NBAS: variants seen among roughly 807,000 people sequenced by gnomAD.
NBAS encodes the protein NBAS subunit of NRZ tethering complex, also known as NAG/BC035112 fusion.
Under a neutral mutation model 302.5 loss-of-function variants are expected in NBAS, and 219 were observed. The observed-to-expected ratio is 0.72, with a 90% CI of 0.65 to 0.81. The LOEUF (loss-of-function observed/expected upper bound fraction) is 0.81, where lower values mean the gene tolerates loss of function less well. Among genes scored for constraint, NBAS ranks in the 30% least tolerant of loss-of-function variants. The pLI is 0.00. For missense variants in NBAS, 2,932 were observed against 2,841.6 expected (o/e 1.03, Z -0.72); for synonymous variants, 1,118 against 1,021.6 (o/e 1.09, Z -1.80).
At chr2:15,126,937 C>A in the NBAS span, among the ~76,000 whole-genome samples, 1 of 152,170 alleles carries the variant, frequency 6.6e-6, no homozygotes, top group Non-Finnish European at 1.5e-5. Context: ...GGTCAAACAA[C>A]CAGTAACACA....
the NBAS span, among the ~76,000 whole-genome samples, chr2:14,824,349 T>C: frequency 2.0e-5 from 3 of 152,102 alleles, no homozygotes; most frequent in Non-Finnish European, 4.4e-5. Context: ...AGTACAAATA[T>C]ATAAGTAGAT....
downstream of NBAS, among the ~76,000 whole-genome samples, chr2:15,163,827 C>T (rs950019747): frequency 8.6e-5 from 13 of 150,496 alleles, no homozygotes; most frequent in South Asian, 4.2e-4. Flanking sequence ...ACAAGAGTCT[C>T]GCTCTGTTGC....
At chr2:14,838,619 T>G in the NBAS span, among the ~76,000 whole-genome samples, 1 of 151,994 alleles carries the variant, frequency 6.6e-6, no homozygotes, top group African/African-American at 2.4e-5. Flanking sequence ...ATGCTGTGAT[T>G]TTTTATTGTA....
chr2:14,901,420 C>G, the NBAS span, among the ~76,000 whole-genome samples: 1 of 142,026 alleles, frequency 7.0e-6, no homozygotes, highest in Admixed American at 6.9e-5. Flanking sequence ...AAGGCCAAAC[C>G]AGAAAGACTC....
At chr2:15,133,963 C>T in the NBAS span, among the ~76,000 whole-genome samples, 26 of 152,092 alleles carry the variant, frequency 1.7e-4, no homozygotes, top group East Asian at 7.8e-4. Flanking sequence ...ACAAATCCCT[C>T]GGGGATTGTG....
the NBAS span, among the ~76,000 whole-genome samples, chr2:14,958,367 T>C: frequency 3.3e-5 from 5 of 152,194 alleles, no homozygotes; most frequent in Non-Finnish European, 5.9e-5. Flanking sequence ...ACTTCCCCTT[T>C]GACATTTGAC....
At chr2:15,388,058 C>T (rs1675396909) in intron 28 of NBAS, among the ~76,000 whole-genome samples, 2 of 152,070 alleles carry the variant, frequency 1.3e-5, no homozygotes, top group African/African-American at 4.8e-5. Context: ...TATACATTTG[C>T]TGGAATTTTT....
Position 15,424,238 on chromosome 2 carries a change from G to A in NBAS, c.2577+77C>T, listed in dbSNP as rs766396276. ...TGATTCCTGCACTGCTGTCAGCCCC[G>A]ACTCCGTGTACTGAATCCTAAGGAT... is the stretch of plus-strand genomic sequence containing the variant. On this transcript the variant is annotated intron_variant, in intron 23 of 51. Transcript: ENST00000281513. 103 of 1,533,740 alleles carry A rather than the reference G, an allele frequency of 6.7e-5. 4 individuals carry two copies. The highest frequency in any genetic ancestry group is 6.3e-4 in the South Asian group (56 of 89,072).
chr2:14,808,892 T>C, the NBAS span, among the ~76,000 whole-genome samples: 3 of 152,180 alleles, frequency 2.0e-5, no homozygotes, highest in Non-Finnish European at 2.9e-5. Context: ...TGGTCTCAGA[T>C]GGAGATAAGA....
intron 8 of NBAS, among the ~76,000 whole-genome samples, chr2:15,535,458 CT>C: frequency 6.6e-6 from 1 of 151,638 alleles, no homozygotes; most frequent in African/African-American, 2.4e-5. Context: ...GGAGGCAGAG[CT>C]TGCAGTGAGC....
At chr2:15,240,450 A>AAT (rs1390404184) in intron 44 of NBAS, among the ~76,000 whole-genome samples, 1 of 141,236 alleles carries the variant, frequency 7.1e-6, no homozygotes, top group African/African-American at 2.7e-5. Flanking sequence ...AAAATACAAA[A>AAT]AAAAAAAAAA....
chr2:15,456,870 A>C (rs1456744820), intron 21 of NBAS, among the ~76,000 whole-genome samples: 1 of 143,890 alleles, frequency 6.9e-6, no homozygotes, highest in Non-Finnish European at 1.5e-5. Flanking sequence ...AGAGAAGACA[A>C]ATAACCATGT....
the NBAS span, among the ~76,000 whole-genome samples, chr2:14,936,744 C>G: frequency 6.6e-6 from 1 of 152,114 alleles, no homozygotes; most frequent in African/African-American, 2.4e-5. Context: ...TGGAAAGACA[C>G]AGGAAAACAG....
the NBAS span, among the ~76,000 whole-genome samples, chr2:14,958,415 G>A: frequency 6.6e-6 from 1 of 152,190 alleles, no homozygotes; most frequent in Non-Finnish European, 1.5e-5. Context: ...AATGCTAAGG[G>A]GCACTGGAGC....
At chr2:15,464,248 TC>T (rs1021247331) in intron 19 of NBAS, among the ~76,000 whole-genome samples, 1 of 152,200 alleles carries the variant, frequency 6.6e-6, no homozygotes, top group Non-Finnish European at 1.5e-5. Context: ...TAGGAACTTT[TC>T]CACAACTCTC....
At chr2:15,022,876 T>A in the NBAS span, among the ~76,000 whole-genome samples, 1 of 152,192 alleles carries the variant, frequency 6.6e-6, no homozygotes, top group Admixed American at 6.5e-5. Flanking sequence ...ATTATTTGTA[T>A]ATAAATACAG....
chr2:15,322,600 A>G (rs990208794), intron 38 of NBAS, among the ~76,000 whole-genome samples: 7 of 152,174 alleles, frequency 4.6e-5, no homozygotes, highest in African/African-American at 1.4e-4. Flanking sequence ...ATAATGACCA[A>G]CTTTCTTTAG....
At chr2:15,533,542 C>T (rs1663326079) in intron 9 of NBAS, among the ~76,000 whole-genome samples, 1 of 151,960 alleles carries the variant, frequency 6.6e-6, no homozygotes, top group Non-Finnish European at 1.5e-5. Flanking sequence ...GTCAAAACAG[C>T]AAAACTAAAT....
chr2:14,820,133 A>G, the NBAS span, among the ~76,000 whole-genome samples: 1 of 152,228 alleles, frequency 6.6e-6, no homozygotes, highest in Non-Finnish European at 1.5e-5. Flanking sequence ...AAATTGAGCT[A>G]CTATGTGATC....
Sources: gnomAD v4.1 joint callset for allele counts (sites outside exome capture counted in the v4.1 genomes callset) on GRCh38, gnomAD v4.1.1 for gene constraint, MANE v1.5 for transcripts, NCBI Gene and HGNC (gene_info 2026-07-23, HGNC 2026-07-21) for gene names.